Variants in PPP3CC observed in about 807,000 individuals in gnomAD.
PPP3CC encodes the protein serine/threonine-protein phosphatase 2B catalytic subunit gamma isoform.
Under a neutral mutation model 60.3 loss-of-function variants are expected in PPP3CC, and 35 were observed. The observed-to-expected ratio is 0.58, with a 90% confidence interval of 0.44 to 0.77. PPP3CC has a LOEUF of 0.77. PPP3CC is among the 30% of genes least tolerant of loss of function. The pLI, the probability that PPP3CC is intolerant of heterozygous loss-of-function variation, is 0.00. For synonymous variants in PPP3CC, 206 were observed against 224.3 expected (o/e 0.92, Z 0.73); for missense variants, 570 against 628.9 (o/e 0.91, Z 1.00).
rs116744694 is a variant in PPP3CC, at chr8:22,511,759, C to G, written c.630+528C>G. On this transcript the variant is annotated intron_variant, in intron 5 of 13. Coordinates refer to ENST00000240139, the MANE Select transcript of PPP3CC (RefSeq NM_005605.5). ...CTCTATGTTTTTACCAACTAGAAAG[C>G]TAACATTCTTGTAGTATAGTCCTGA... 3.2e-3 allele frequency among the ~76,000 whole-genome samples: 492 copies of G among 152,290 alleles called. 3 individuals carry two copies. Among genetic ancestry groups the G allele is most frequent in the African/African-American group, 0.011 (466 of 41,552 alleles).
At chr8:22,533,733 G>C (rs1839779133) in intron 12 of PPP3CC, among the ~76,000 whole-genome samples, 2 of 152,202 alleles carry the variant, frequency 1.3e-5, no homozygotes, top group South Asian at 4.1e-4. Flanking sequence ...CCTGAGACAG[G>C]AGAATTGCTT....
chr8:22,525,455 T>C (rs1395817137), intron 8 of PPP3CC, among the ~76,000 whole-genome samples: 1 of 150,982 alleles, frequency 6.6e-6, no homozygotes. Context: ...TTTCTCTCTC[T>C]CTTTCTTTTC....
rs1836652705 is a variant in PPP3CC at position 22,441,150 on chromosome 8, G to A, written c.-260G>A. The A allele has an allele frequency of 5.5e-6, 2 of 365,196 alleles. No individual in the cohort carries two copies. Among genetic ancestry groups the A allele is most frequent in the Non-Finnish European group, 9.8e-6 (2 of 203,900 alleles). 22.6% of individuals were successfully genotyped at this position (365,196 alleles called of 1,614,324 possible). ...CCACCCTTAGCAGCGGTCGCGGTCG[G>A]TGCCGAAGCGGTGTTCCCCGCCTTA... is the stretch of plus-strand genomic sequence containing the variant. On this transcript the variant is annotated 5_prime_UTR_variant, in exon 1 of 14. It adds an upstream start codon to the 5' untranslated region. Transcript: ENST00000240139.
intron 2 of PPP3CC, 98 bp downstream of exon 2, chr8:22,475,249 A>G: frequency 8.3e-7 from 1 of 1,197,814 alleles, no homozygotes; most frequent in Non-Finnish European, 1.2e-6. Flanking sequence ...GTGGTGTGGT[A>G]ATTTTTCTAG....
At position 22,513,357 on chromosome 8, in the gene PPP3CC, C is replaced by T. The variant is rs1203116207; in HGVS notation, c.695C>T (p.Ser232Leu). Residue 232 changes from serine to leucine, a missense_variant, in exon 6 of 14, where the codon TCA (serine) becomes TTA (leucine). Coordinates refer to ENST00000240139, the MANE Select transcript of PPP3CC (RefSeq NM_005605.5). ...PVCDLLWSDP[S>L]EDYGNEKTLE... is the part of the protein sequence containing the mutation. The stretch of plus-strand genomic sequence containing the variant: ...TGTGACCTGCTTTGGTCTGATCCCT[C>T]AGAGGATTATGGCAATGAGAAGACC... 5.6e-6 allele frequency: 9 copies of T among 1,613,970 alleles called. No homozygotes were observed. Among genetic ancestry groups the T allele is most frequent in the Non-Finnish European group, 7.6e-6 (9 of 1,179,952 alleles).
At chr8:22,456,746 C>T (rs977237529) in intron 1 of PPP3CC, among the ~76,000 whole-genome samples, 1 of 152,210 alleles carries the variant, frequency 6.6e-6, no homozygotes, top group African/African-American at 2.4e-5. Flanking sequence ...TGTATAGCTA[C>T]ACCAGTCCCC....
At chr8:22,441,576 G>C in intron 1 of PPP3CC, 118 bp downstream of exon 1, 1 of 1,134,652 alleles carries the variant, frequency 8.8e-7, no homozygotes, top group Non-Finnish European at 1.2e-6. Flanking sequence ...GGGCTCGGAG[G>C]GGTGTAGACA....
chr8:22,471,615 A>C (rs374812829), intron 1 of PPP3CC, among the ~76,000 whole-genome samples: 1 of 152,202 alleles, frequency 6.6e-6, no homozygotes, highest in Non-Finnish European at 1.5e-5. Context: ...ATATCTAAAC[A>C]TAGAGAAGGT....
intron 1 of PPP3CC, among the ~76,000 whole-genome samples, chr8:22,463,750 T>C (rs944837106): frequency 4.3e-4 from 66 of 152,240 alleles, no homozygotes; most frequent in African/African-American, 1.6e-3. Context: ...CTTTTTTAGA[T>C]AGCTATTGTG....
At chr8:22,443,266 T>C (rs1199263603) in intron 1 of PPP3CC, among the ~76,000 whole-genome samples, 2 of 152,138 alleles carry the variant, frequency 1.3e-5, no homozygotes, top group African/African-American at 4.8e-5. Flanking sequence ...CTCACGCCTG[T>C]AACCCCAGCA....
chr8:22,446,009 A>G (rs1836810149), intron 1 of PPP3CC, among the ~76,000 whole-genome samples: 1 of 152,210 alleles, frequency 6.6e-6, no homozygotes, highest in South Asian at 2.1e-4. Context: ...GTTGTGATCA[A>G]AGCTTTATTT....
chr8:22,460,239 G>T lies in PPP3CC; in HGVS notation c.50-14715G>T, dbSNP rs578005841. Among the ~76,000 whole-genome samples, 6 of 152,188 alleles carry T rather than the reference G, an allele frequency of 3.9e-5. No homozygotes were observed. In the South Asian group the frequency reaches 1.2e-3, roughly 32 times the overall value. Reference sequence around the variant, plus strand: ...TGATTTATAAAAATCTTTAAATAAAGATAGGATAGTTTGAAAGATTAGCAG... The same window carrying T: ...TGATTTATAAAAATCTTTAAATAAATATAGGATAGTTTGAAAGATTAGCAG... On this transcript the variant is annotated intron_variant, in intron 1 of 13. Coordinates refer to ENST00000240139, the MANE Select transcript of PPP3CC (RefSeq NM_005605.5).
At chr8:22,510,182 CAAAAA>C (rs71546815) in intron 4 of PPP3CC, among the ~76,000 whole-genome samples, 1 of 88,270 alleles carries the variant, frequency 1.1e-5, no homozygotes, top group Non-Finnish European at 2.2e-5. Context: ...GACTCCGTCT[CAAAAA>C]AAAAAAAAAA....
At chr8:22,450,085 G>A (rs1182242022) in intron 1 of PPP3CC, among the ~76,000 whole-genome samples, 1 of 151,866 alleles carries the variant, frequency 6.6e-6, no homozygotes, top group Non-Finnish European at 1.5e-5. Flanking sequence ...TGGTCAGGCT[G>A]GTCTTGAACT....
intron 1 of PPP3CC, among the ~76,000 whole-genome samples, chr8:22,441,780 A>G (rs1563656654): frequency 6.6e-6 from 1 of 152,140 alleles, no homozygotes; most frequent in Non-Finnish European, 1.5e-5. Context: ...GGGGGAAGCC[A>G]TCGGGGGTGG....
intron 1 of PPP3CC, among the ~76,000 whole-genome samples, chr8:22,470,615 C>T (rs1459959470): frequency 6.6e-6 from 1 of 152,144 alleles, no homozygotes; most frequent in Non-Finnish European, 1.5e-5. Context: ...TGAACAAGCA[C>T]ATCCCCAAAG....
intron 6 of PPP3CC, among the ~76,000 whole-genome samples, chr8:22,518,365 G>C (rs1349870601): frequency 3.9e-5 from 6 of 152,110 alleles, no homozygotes; most frequent in Admixed American, 3.9e-4. Flanking sequence ...CAAAAGTGTG[G>C]TGTGTAGTTT....
intron 1 of PPP3CC, among the ~76,000 whole-genome samples, chr8:22,452,868 C>A (rs1837077510): frequency 6.6e-6 from 1 of 152,218 alleles, no homozygotes; most frequent in Non-Finnish European, 1.5e-5. Context: ...CATAAACAAT[C>A]TCATTGCTTT....
chr8:22,478,615 G>T (rs890680038), intron 3 of PPP3CC, among the ~76,000 whole-genome samples: 1 of 152,262 alleles, frequency 6.6e-6, no homozygotes, highest in South Asian at 2.1e-4. Flanking sequence ...AGAATATTTT[G>T]TGTTATGCAT....
Sources: allele counts gnomAD v4.1 joint callset (sites outside exome capture counted in the v4.1 genomes callset), GRCh38; gene constraint gnomAD v4.1.1; transcripts MANE v1.5; gene names NCBI Gene and HGNC (gene_info 2026-07-23, HGNC 2026-07-21).